Variants in DDB2 observed in about 807,000 individuals in gnomAD.
The protein encoded by DDB2 is damage specific DNA binding protein 2.
A neutral mutation model predicts 50.5 loss-of-function variants in DDB2; 27 were observed. That is an observed-to-expected ratio of 0.53 (90% CI 0.39 to 0.74). DDB2 has a LOEUF of 0.74. Among genes scored for constraint, DDB2 ranks in the 30% least tolerant of loss-of-function variants. The pLI is 0.00. For synonymous variants in DDB2, 176 were observed against 205.5 expected (o/e 0.86, Z 1.23); for missense variants, 424 against 545.6 (o/e 0.78, Z 2.22).
chr11:47,219,575 A>G (rs1233124140), intron 3 of DDB2, among the ~76,000 whole-genome samples: 1 of 151,796 alleles, frequency 6.6e-6, no homozygotes, highest in African/African-American at 2.4e-5. Flanking sequence ...GTCTCAAACT[A>G]CTGGCCTCAA....
At chr11:47,228,138 CAAAA>C (rs35908583) in intron 3 of DDB2, among the ~76,000 whole-genome samples, 2 of 57,460 alleles carry the variant, frequency 3.5e-5, no homozygotes. Flanking sequence ...GGCTCTGTCT[CAAAA>C]AAAAAAAAAA....
Position 47,216,999 on chromosome 11 carries a change from A to T in DDB2, c.406A>T (p.Ile136Phe). The T allele has an allele frequency of 6.2e-7, 1 of 1,614,112 alleles. No homozygotes were observed. The highest frequency in any genetic ancestry group is 8.5e-7 in the Non-Finnish European group (1 of 1,180,016). The part of the protein sequence containing the change: ...TVAVGSKGGD[I>F]MLWNFGIKDK... Reference sequence around the variant, plus strand: ...GGCTGTGGGTTCCAAAGGGGGAGATATCATGCTCTGGAATTTTGGCATCAA... The same window carrying T: ...GGCTGTGGGTTCCAAAGGGGGAGATTTCATGCTCTGGAATTTTGGCATCAA... The change falls in exon 3 of 10, where the codon ATC becomes TTC. Residue 136 changes from isoleucine (I) to phenylalanine (F), a missense_variant. Ile to Phe is a conservative substitution (Grantham distance 21). Coordinates refer to ENST00000256996, the MANE Select transcript of DDB2 (RefSeq NM_000107.3).
Position 47,217,019 on chromosome 11 carries a change from C to T in DDB2, c.426C>T (p.Gly142=). ...GAGATATCATGCTCTGGAATTTTGG[C>T]ATCAAGGACAAACCCACCTTCATCA... is the stretch of plus-strand genomic sequence containing the variant. The part of the protein sequence containing the change: ...KGGDIMLWNF[G]IKDKPTFIKG... The change falls in exon 3 of 10, where the codon GGC becomes GGT. Residue 142 remains glycine, a synonymous_variant. Transcript: ENST00000256996. 6.2e-7 allele frequency: 1 copy of T among 1,614,136 alleles called. No homozygotes were observed. The highest frequency in any genetic ancestry group is 8.5e-7 in the Non-Finnish European group (1 of 1,180,016).
At chr11:47,233,275 A>C in intron 4 of DDB2, 2 of 422,018 alleles carry the variant, frequency 4.7e-6, no homozygotes, top group South Asian at 4.2e-5. Context: ...GAATGGAGCA[A>C]CAGCTCAGAA....
intron 9 of DDB2, 56 bp from the exon 10 acceptor site, chr11:47,238,744 G>A (rs1188257405): frequency 1.9e-6 from 3 of 1,598,008 alleles, no homozygotes; most frequent in Non-Finnish European, 2.6e-6. Context: ...GCCAGCCCCA[G>A]GCTCTGAGAG....
At position 47,237,933 on chromosome 11, in the gene DDB2, G is replaced by A. The variant is rs148299549; in HGVS notation, c.1120G>A (p.Val374Met). The change falls in exon 8 of 10, where the codon GTG becomes ATG. Residue 374 changes from valine to methionine, a missense_variant. By Grantham distance (21) the Val-to-Met change is conservative. Coordinates refer to ENST00000256996, the MANE Select transcript of DDB2 (RefSeq NM_000107.3). Reference protein sequence around the residue: ...CTPYELRTIDVFDGNSGKMMC... With the variant: ...CTPYELRTIDMFDGNSGKMMC... ...CCCTTATGAATTGAGGACGATCGACGTGTTCGATGGAAACTCAGGGAAGAT... is the reference window on the plus strand; with the variant it reads ...CCCTTATGAATTGAGGACGATCGACATGTTCGATGGAAACTCAGGGAAGAT... 6.8e-5 allele frequency: 109 copies of A among 1,614,130 alleles called. 1 individual carries two copies. In the African/African-American group the frequency reaches 9.9e-4, roughly 15 times the overall value.
At chr11:47,220,471 A>G (rs1370603544) in intron 3 of DDB2, 1 of 152,196 alleles carries the variant, frequency 6.6e-6, no homozygotes, top group African/African-American at 2.4e-5. Context: ...GGATAATGAC[A>G]AGTGCTTTGA....
chr11:47,236,816 C>T (rs1307025945), intron 7 of DDB2, among the ~76,000 whole-genome samples: 1 of 152,216 alleles, frequency 6.6e-6, no homozygotes, highest in Non-Finnish European at 1.5e-5. Context: ...ATCAGTGTTC[C>T]CGATAATCCA....
intron 8 of DDB2, 33 bp from the exon 9 acceptor site, chr11:47,238,105 C>T (rs1953766003): frequency 1.2e-6 from 2 of 1,611,860 alleles, no homozygotes; most frequent in Non-Finnish European, 8.5e-7. Context: ...ATACCTTCAC[C>T]CTCTCCTCAT....
intron 3 of DDB2, among the ~76,000 whole-genome samples, chr11:47,222,081 C>T (rs1265325301): frequency 2.0e-5 from 3 of 152,120 alleles, no homozygotes; most frequent in Admixed American, 1.3e-4. Context: ...AAAATAACTC[C>T]CATTTCCCCA....
intron 7 of DDB2, 117 bp downstream of exon 7, chr11:47,235,529 G>A: frequency 9.1e-7 from 1 of 1,103,514 alleles, no homozygotes; most frequent in South Asian, 1.3e-5. Context: ...ATCGCTCCTG[G>A]CCCGAGCACA....
intron 3 of DDB2, among the ~76,000 whole-genome samples, chr11:47,219,493 A>G (rs950083388): frequency 6.8e-4 from 103 of 151,696 alleles, no homozygotes; most frequent in African/African-American, 2.5e-3. Flanking sequence ...CCCATGTATC[A>G]GGGACTACAG....
intron 3 of DDB2, among the ~76,000 whole-genome samples, chr11:47,219,738 G>T (rs1186043978): frequency 6.6e-6 from 1 of 152,088 alleles, no homozygotes; most frequent in Non-Finnish European, 1.5e-5. Context: ...TCTAGCTCTG[G>T]TTTAAAGGTA....
At chr11:47,236,730 C>T (rs1049387623) in intron 7 of DDB2, among the ~76,000 whole-genome samples, 1 of 152,216 alleles carries the variant, frequency 6.6e-6, no homozygotes, top group Non-Finnish European at 1.5e-5. Flanking sequence ...GAGTGGCCCC[C>T]ACGTACCTCA....
rs149448905 is a variant in DDB2, at chr11:47,215,488, G to C, written c.127+225G>C. 5.1e-6 allele frequency: 3 copies of C among 587,426 alleles called. No homozygotes were observed. The African/African-American group carries it at 5.6e-5, about 11-fold the overall frequency. The allele number at this position is 587,426 out of a possible 1,614,324, so 36.4% of individuals were successfully genotyped here. A position where few individuals can be genotyped will look rare whatever the true frequency, so the allele number is the denominator to read the frequency against. On this transcript the variant is annotated intron_variant, in intron 1 of 9. Transcript: ENST00000256996. ...ATGAGCTCCGTAACAACAGACACAC[G>C]GACTTGTCAGATTCCTTGTTCGTAT...
chr11:47,218,784 A>G (rs921444427), intron 3 of DDB2, among the ~76,000 whole-genome samples: 11 of 152,026 alleles, frequency 7.2e-5, no homozygotes, highest in Non-Finnish European at 1.5e-4. Flanking sequence ...GGTCAGGGGT[A>G]AACTAGAGAT....
intron 3 of DDB2, among the ~76,000 whole-genome samples, chr11:47,231,636 C>T (rs1253881706): frequency 1.3e-5 from 2 of 152,158 alleles, no homozygotes; most frequent in East Asian, 3.9e-4. Context: ...CATCTTCCCA[C>T]CTCAGCCTTC....
At chr11:47,230,006 A>T (rs77822325) in intron 3 of DDB2, among the ~76,000 whole-genome samples, 1 of 151,476 alleles carries the variant, frequency 6.6e-6, no homozygotes, top group Admixed American at 6.6e-5. Flanking sequence ...AATTTTTAAT[A>T]ATTTTTTATA....
intron 3 of DDB2, among the ~76,000 whole-genome samples, chr11:47,231,240 T>C (rs189260187): frequency 3.2e-4 from 49 of 151,704 alleles, no homozygotes; most frequent in Admixed American, 2.3e-3. Flanking sequence ...ATTTTCATCA[T>C]CATTTTCATG....
Sources: allele counts gnomAD v4.1 joint callset (sites outside exome capture counted in the v4.1 genomes callset), GRCh38; gene constraint gnomAD v4.1.1; transcripts MANE v1.5; gene names NCBI Gene and HGNC (gene_info 2026-07-23, HGNC 2026-07-21).